CCDC73: variants seen among roughly 807,000 people sequenced by gnomAD.
The protein encoded by CCDC73 is coiled-coil domain containing 73, also known as coiled-coil domain-containing protein 73.
In CCDC73, 95 loss-of-function variants were observed where a neutral mutation model predicts 116.5. The ratio of observed to expected loss-of-function variants is 0.82; its 90% CI spans 0.69 to 0.97. The LOEUF (loss-of-function observed/expected upper bound fraction) is 0.97. CCDC73 is among the 50% of genes least tolerant of loss of function. The pLI is 0.00. For synonymous variants in CCDC73, 398 were observed against 401.3 expected, an observed-to-expected ratio of 0.99 and a Z score of 0.10; for missense variants, 1,066 against 1,206.8, an observed-to-expected ratio of 0.88 and a Z score of 1.73.
chr11:32,605,986 C>T (rs1855345381), intron 17 of CCDC73: 1 of 149,530 alleles, frequency 6.7e-6, no homozygotes, highest in Non-Finnish European at 1.5e-5. Flanking sequence ...TAAAATTAAA[C>T]TTAAATGAAT....
chr11:32,746,329 C>A (rs189452499), intron 2 of CCDC73, among the ~76,000 whole-genome samples: 4 of 152,316 alleles, frequency 2.6e-5, no homozygotes, highest in African/African-American at 9.6e-5. Flanking sequence ...TTGTGGGTAA[C>A]CCAACCTTTC....
intron 1 of CCDC73, among the ~76,000 whole-genome samples, chr11:32,760,678 A>C (rs1472261701): frequency 6.6e-6 from 1 of 152,252 alleles, no homozygotes; most frequent in African/African-American, 2.4e-5. Context: ...TTGGAAGACG[A>C]AGGCTGGAAA....
intron 6 of CCDC73, among the ~76,000 whole-genome samples, chr11:32,688,013 A>G (rs763817698): frequency 8.5e-5 from 13 of 152,336 alleles, no homozygotes; most frequent in Non-Finnish European, 1.6e-4. Flanking sequence ...ATTTTAATCC[A>G]TTGTACAAAA....
intron 12 of CCDC73, among the ~76,000 whole-genome samples, chr11:32,645,777 T>G (rs1328331491): frequency 6.6e-6 from 1 of 152,166 alleles, no homozygotes; most frequent in African/African-American, 2.4e-5. Context: ...AACGTGTGAG[T>G]AATGTGTTGT....
chr11:32,641,855 A>T, intron 13 of CCDC73, 117 bp downstream of exon 13: 2 of 813,114 alleles, frequency 2.5e-6, no homozygotes, highest in Non-Finnish European at 3.3e-6. Context: ...CCAAGAAAAA[A>T]ATGTGTCTGA....
chr11:32,705,033 G>A (rs1173741272), intron 3 of CCDC73, among the ~76,000 whole-genome samples: 1 of 152,202 alleles, frequency 6.6e-6, no homozygotes, highest in African/African-American at 2.4e-5. Context: ...CACTTTCCTG[G>A]TGGGCTTGCC....
intron 17 of CCDC73, chr11:32,604,603 T>G (rs1855321443): frequency 6.6e-6 from 1 of 152,224 alleles, no homozygotes; most frequent in Non-Finnish European, 1.5e-5. Flanking sequence ...ATTTTTAGCA[T>G]TTCCTCCTGT....
intron 9 of CCDC73, among the ~76,000 whole-genome samples, chr11:32,675,324 A>G (rs1159986620): frequency 1.3e-5 from 2 of 152,200 alleles, no homozygotes. Flanking sequence ...CTTATAAGGT[A>G]TTCATGTGAT....
chr11:32,655,761 C>T (rs191378241), intron 9 of CCDC73, among the ~76,000 whole-genome samples: 28 of 152,242 alleles, frequency 1.8e-4, no homozygotes, highest in Admixed American at 1.6e-3. Context: ...AATGACATAA[C>T]AAAATTTGCA....
chr11:32,657,576 G>A (rs923974363), intron 9 of CCDC73, among the ~76,000 whole-genome samples: 1 of 152,100 alleles, frequency 6.6e-6, no homozygotes, highest in Non-Finnish European at 1.5e-5. Context: ...GCTGATATCT[G>A]TGGGTATAGC....
At chr11:32,786,315 AAC>A (rs1198262594) in intron 1 of CCDC73, among the ~76,000 whole-genome samples, 1 of 148,232 alleles carries the variant, frequency 6.7e-6, no homozygotes, top group Non-Finnish European at 1.5e-5. Context: ...AGTAATTTAT[AAC>A]AATAAATCTG....
At chr11:32,827,848 T>A in the CCDC73 span, among the ~76,000 whole-genome samples, 2 of 152,142 alleles carry the variant, frequency 1.3e-5, no homozygotes, top group Admixed American at 1.3e-4. Flanking sequence ...CACCAGGAGG[T>A]CTCAGTGCTG....
At chr11:32,670,518 TCTCAAA>T (rs1396387754) in intron 9 of CCDC73, among the ~76,000 whole-genome samples, 2 of 79,178 alleles carry the variant, frequency 2.5e-5, no homozygotes, top group African/African-American at 9.5e-5. Flanking sequence ...CAAGGCTCTG[TCTCAAA>T]AAAAAAAAAA....
chr11:32,702,667 T>C (rs796519827), intron 4 of CCDC73, among the ~76,000 whole-genome samples: 10 of 152,326 alleles, frequency 6.6e-5, no homozygotes, highest in African/African-American at 1.9e-4. Flanking sequence ...GTTTTCCCAA[T>C]TTCCCTCAAC....
chr11:32,767,039 C>A (rs928401627), intron 1 of CCDC73, among the ~76,000 whole-genome samples: 3 of 152,180 alleles, frequency 2.0e-5, no homozygotes, highest in South Asian at 2.1e-4. Context: ...AAGAACAAAG[C>A]TGGAGGCATC....
chr11:32,815,904 C>T, the CCDC73 span, among the ~76,000 whole-genome samples: 2 of 152,152 alleles, frequency 1.3e-5, no homozygotes, highest in Non-Finnish European at 2.9e-5. Flanking sequence ...ATCCTTTCTG[C>T]ATGGAAACTT....
At chr11:32,625,690 A>T (rs1478824988) in intron 14 of CCDC73, among the ~76,000 whole-genome samples, 2 of 152,262 alleles carry the variant, frequency 1.3e-5, no homozygotes, top group East Asian at 3.9e-4. Flanking sequence ...CAAATCAATA[A>T]ACATAATCCA....
chr11:32,819,139 T>A, the CCDC73 span, among the ~76,000 whole-genome samples: 2 of 149,858 alleles, frequency 1.3e-5, no homozygotes, highest in Non-Finnish European at 3.0e-5. Flanking sequence ...CCAGAGCACT[T>A]AAGGAGGTAT....
chr11:32,777,343 G>C (rs1850546921), intron 1 of CCDC73, among the ~76,000 whole-genome samples: 1 of 151,888 alleles, frequency 6.6e-6, no homozygotes, highest in Admixed American at 6.6e-5. Flanking sequence ...GACCTCAAGT[G>C]ATCTGTCCAC....
Sources: gnomAD v4.1 joint callset for allele counts (sites outside exome capture counted in the v4.1 genomes callset) on GRCh38, gnomAD v4.1.1 for gene constraint, MANE v1.5 for transcripts, NCBI Gene and HGNC (gene_info 2026-07-23, HGNC 2026-07-21) for gene names.